SETD3: variants seen among roughly 807,000 people sequenced by gnomAD.
SETD3 encodes the protein actin-histidine N-methyltransferase.
In SETD3, 19 loss-of-function variants were observed where a neutral mutation model predicts 63.0. That is an observed-to-expected ratio of 0.30 (90% confidence interval 0.21 to 0.44). The LOEUF (loss-of-function observed/expected upper bound fraction) is 0.44, where lower values mean the gene tolerates loss of function less well. Among genes scored for constraint, SETD3 ranks in the 20% least tolerant of loss-of-function variants. SETD3 has a pLI of 1.00. For missense variants in SETD3, 587 were observed against 728.5 expected, an observed-to-expected ratio of 0.81 and a Z score of 2.24; for synonymous variants, 286 against 264.1, an observed-to-expected ratio of 1.08 and a Z score of -0.80.
At chr14:99,480,668 G>A (rs1403542347) in intron 1 of SETD3, 60 bp downstream of exon 1, 6 of 150,622 alleles carry the variant, frequency 4.0e-5, no homozygotes, top group Admixed American at 6.6e-5. Flanking sequence ...AGAGCTCGGA[G>A]ACGCGGCGCG....
intron 1 of SETD3, among the ~76,000 whole-genome samples, chr14:99,471,565 T>A (rs1429833522): frequency 6.6e-6 from 1 of 152,200 alleles, no homozygotes; most frequent in Non-Finnish European, 1.5e-5. Flanking sequence ...AGCCCAGGAG[T>A]TCGAGGCTGC....
chr14:99,405,070 T>G, intron 10 of SETD3, 135 bp downstream of exon 10: 1 of 1,263,470 alleles, frequency 7.9e-7, no homozygotes, highest in Non-Finnish European at 1.1e-6. Context: ...TGGCTTAAAT[T>G]TGCTGTGCCA....
chr14:99,408,900 C>T (rs1354537304), intron 8 of SETD3, among the ~76,000 whole-genome samples: 2 of 152,072 alleles, frequency 1.3e-5, no homozygotes, highest in African/African-American at 4.8e-5. Flanking sequence ...AGAGCAGAGC[C>T]CTCCCAGGGT....
chr14:99,430,111 C>T (rs1431950472), intron 6 of SETD3, among the ~76,000 whole-genome samples: 2 of 152,206 alleles, frequency 1.3e-5, no homozygotes, highest in Non-Finnish European at 2.9e-5. Context: ...TCCCAGGTGA[C>T]TTATGCTCAC....
intron 6 of SETD3, among the ~76,000 whole-genome samples, chr14:99,426,371 C>T (rs1457914877): frequency 3.3e-5 from 5 of 152,230 alleles, no homozygotes; most frequent in South Asian, 2.1e-4. Flanking sequence ...GCAAGACAGA[C>T]CTGGCTTCTG....
At chr14:99,447,960 C>T (rs1894231012) in intron 6 of SETD3, among the ~76,000 whole-genome samples, 1 of 152,174 alleles carries the variant, frequency 6.6e-6, no homozygotes, top group Non-Finnish European at 1.5e-5. Flanking sequence ...CAGGGCCACA[C>T]CCAGCTTTCT....
chr14:99,465,330 C>A (rs1282177943), intron 2 of SETD3, among the ~76,000 whole-genome samples: 2 of 152,196 alleles, frequency 1.3e-5, no homozygotes, highest in Non-Finnish European at 2.9e-5. Flanking sequence ...CAGTTATTAT[C>A]TATGTTTACG....
chr14:99,442,775 G>A (rs1172785681), intron 6 of SETD3, among the ~76,000 whole-genome samples: 1 of 152,176 alleles, frequency 6.6e-6, no homozygotes, highest in African/African-American at 2.4e-5. Context: ...AAGTTTTGGG[G>A]AGTTAGAAGT....
chr14:99,408,705 G>A (rs1247754914), intron 8 of SETD3, among the ~76,000 whole-genome samples: 3 of 152,208 alleles, frequency 2.0e-5, no homozygotes, highest in Non-Finnish European at 2.9e-5. Context: ...ATCCTGCCCC[G>A]GTCTGCAGCC....
intron 6 of SETD3, among the ~76,000 whole-genome samples, chr14:99,416,615 A>T (rs1345420588): frequency 3.3e-5 from 5 of 152,160 alleles, no homozygotes; most frequent in Non-Finnish European, 7.4e-5. Flanking sequence ...TCTGCCTGCC[A>T]CTGTCAGAAA....
At chr14:99,457,137 G>A (rs2139768871) in intron 6 of SETD3, among the ~76,000 whole-genome samples, 1 of 152,326 alleles carries the variant, frequency 6.6e-6, no homozygotes, top group South Asian at 2.1e-4. Flanking sequence ...CAGGACTGCA[G>A]GTGCACACTA....
chr14:99,423,294 A>C (rs1892686870), intron 6 of SETD3, among the ~76,000 whole-genome samples: 1 of 152,174 alleles, frequency 6.6e-6, no homozygotes, highest in Non-Finnish European at 1.5e-5. Flanking sequence ...CTGAAATTTG[A>C]CAAATAAAAT....
intron 1 of SETD3, among the ~76,000 whole-genome samples, chr14:99,474,855 C>CA (rs1291303232): frequency 6.7e-6 from 1 of 148,612 alleles, no homozygotes; most frequent in Non-Finnish European, 1.5e-5. Context: ...AATAAATAAG[C>CA]ACAGTTGTTG....
intron 6 of SETD3, among the ~76,000 whole-genome samples, chr14:99,417,852 A>G (rs1398914944): frequency 6.6e-6 from 1 of 152,244 alleles, no homozygotes; most frequent in Non-Finnish European, 1.5e-5. Context: ...TGTTTCCTAA[A>G]ACAATTCTCA....
chr14:99,451,498 C>CT (rs1566720486), intron 6 of SETD3, among the ~76,000 whole-genome samples: 1 of 151,892 alleles, frequency 6.6e-6, no homozygotes, highest in African/African-American at 2.4e-5. Context: ...TATCTTTTTT[C>CT]TTTTTTTCTT....
chr14:99,432,096 C>T (rs1416602060), intron 6 of SETD3, among the ~76,000 whole-genome samples: 1 of 152,104 alleles, frequency 6.6e-6, no homozygotes, highest in Non-Finnish European at 1.5e-5. Flanking sequence ...ACCTACTTTA[C>T]TAAGATTCGT....
At chr14:99,456,373 T>C (rs538571941) in intron 6 of SETD3, among the ~76,000 whole-genome samples, 2 of 152,342 alleles carry the variant, frequency 1.3e-5, no homozygotes, top group South Asian at 4.1e-4. Context: ...GTATGTTCCA[T>C]ATTTGATCGT....
chr14:99,423,720 C>T (rs899635153), intron 6 of SETD3, among the ~76,000 whole-genome samples: 1 of 150,256 alleles, frequency 6.7e-6, no homozygotes, highest in Non-Finnish European at 1.5e-5. Flanking sequence ...GTTAAAGGTA[C>T]ACTCTGTCTT....
At chr14:99,480,440 G>A (rs945439489) in intron 1 of SETD3, among the ~76,000 whole-genome samples, 7 of 151,772 alleles carry the variant, frequency 4.6e-5, no homozygotes, top group South Asian at 2.1e-4. Flanking sequence ...GCGCCAGAGG[G>A]GACAGGGCAG....
Sources: gnomAD v4.1 joint callset for allele counts (sites outside exome capture counted in the v4.1 genomes callset) on GRCh38, gnomAD v4.1.1 for gene constraint, MANE v1.5 for transcripts, NCBI Gene and HGNC (gene_info 2026-07-23, HGNC 2026-07-21) for gene names.